Variants in PHF21B observed in about 807,000 individuals in gnomAD.
PHF21B encodes PHD finger protein 21B, also known as PHD finger protein 4.
Under a neutral mutation model 62.2 loss-of-function variants are expected in PHF21B, and 22 were observed. That is an observed-to-expected ratio of 0.35 (90% confidence interval 0.25 to 0.51). The LOEUF is 0.51. PHF21B is among the 20% of genes least tolerant of loss of function. The pLI is 0.97. For missense variants in PHF21B, 701 were observed against 707.9 expected, an observed-to-expected ratio of 0.99 and a Z score of 0.11; for synonymous variants, 341 against 314.7, an observed-to-expected ratio of 1.08 and a Z score of -0.88.
At chr22:44,902,053 G>C in intron 5 of PHF21B, 1 of 234,042 alleles carries the variant, frequency 4.3e-6, no homozygotes, top group South Asian at 7.8e-5. Flanking sequence ...ACAGAGGCAA[G>C]AGGGCGGTTC....
rs145001551 is a variant in PHF21B, at chr22:44,911,031, G to A, written c.831+2791C>T. 7.8e-3 allele frequency among the ~76,000 whole-genome samples: 1,185 copies of A among 152,342 alleles called. 18 individuals are homozygous for A. Among genetic ancestry groups the A allele is most frequent in the African/African-American group, 0.027 (1,132 of 41,578 alleles). On this transcript the variant is annotated intron_variant, in intron 5 of 12. Transcript: ENST00000313237. ...ACTTGTTGGGAACTGGAGCAAAGGT[G>A]ACTCTTGTTATGTTTTAGCAAAGAG...
At position 45,009,268 on chromosome 22, in the gene PHF21B, C is replaced by G; in HGVS notation, c.54+228G>C. On this transcript the variant is annotated intron_variant, in intron 1 of 12. Coordinates refer to ENST00000313237, the MANE Select transcript of PHF21B (RefSeq NM_138415.5). This position sits in a 1 kb window ranked among gnomAD's most constrained non-coding sequence, Gnocchi z 5.9. Reference sequence around the variant, plus strand: ...TTAAGAGAAGACTCCAGGCTCGGGTCCCACGCGTCCTCGATCCCGCAAACT... The same window carrying G: ...TTAAGAGAAGACTCCAGGCTCGGGTGCCACGCGTCCTCGATCCCGCAAACT... 1.8e-6 allele frequency: 1 copy of G among 552,258 alleles called. No homozygotes were observed. The highest frequency in any genetic ancestry group is 3.1e-6 in the Non-Finnish European group (1 of 324,564). 34.2% of individuals were successfully genotyped at this position (552,258 alleles called of 1,614,324 possible). A position where few individuals can be genotyped will look rare whatever the true frequency, so the allele number is the denominator to read the frequency against.
At position 44,904,640 on chromosome 22, in the gene PHF21B, A is replaced by G. The variant is rs2071217922; in HGVS notation, c.832-8557T>C. 1.5e-5 allele frequency among the ~76,000 whole-genome samples: 2 copies of G among 134,020 alleles called. 1 individual carries two copies. The highest frequency in any genetic ancestry group is 1.5e-4 in the Admixed American group (2 of 12,988). The allele number at this position is 134,020 out of a possible 152,430, so 87.9% of individuals were successfully genotyped here. A position where few individuals can be genotyped will look rare whatever the true frequency, so the allele number is the denominator to read the frequency against. The stretch of plus-strand genomic sequence containing the variant: ...GCAGAGCATCGGCAGACTGGGCAAG[A>G]AGTGTTAGTGTCGTCAGAGGCAGCA... On this transcript the variant is annotated intron_variant, in intron 5 of 12. Transcript: ENST00000313237.
At chr22:44,932,218 G>T (rs929879298) in intron 2 of PHF21B, among the ~76,000 whole-genome samples, 21 of 152,226 alleles carry the variant, frequency 1.4e-4, no homozygotes, top group African/African-American at 5.1e-4. Flanking sequence ...CTTGCTGTAA[G>T]GGCTGCCAGG....
At chr22:45,007,105 G>A (rs529435899) in intron 2 of PHF21B, among the ~76,000 whole-genome samples, 3 of 148,268 alleles carry the variant, frequency 2.0e-5, no homozygotes, top group Non-Finnish European at 4.5e-5. Flanking sequence ...GCCGGGGGCG[G>A]GGGGGCCGCG....
At chr22:44,929,070 G>A (rs962883020) in intron 2 of PHF21B, among the ~76,000 whole-genome samples, 13 of 152,206 alleles carry the variant, frequency 8.5e-5, no homozygotes, top group African/African-American at 2.7e-4. Context: ...CACAGAGCAC[G>A]GCAATTTAAT....
intron 2 of PHF21B, chr22:44,933,346 G>C (rs2071779605): frequency 1.8e-6 from 1 of 554,956 alleles, no homozygotes; most frequent in Admixed American, 6.4e-5. Flanking sequence ...CCCGCCATCA[G>C]GGGATCCGTC....
chr22:44,922,179 G>C (rs982211754), intron 2 of PHF21B, among the ~76,000 whole-genome samples: 1 of 152,224 alleles, frequency 6.6e-6, no homozygotes, highest in African/African-American at 2.4e-5. Flanking sequence ...GTTTATCCCA[G>C]GACTGCAGGG....
intron 2 of PHF21B, among the ~76,000 whole-genome samples, chr22:44,993,492 T>C (rs1258089025): frequency 4.6e-5 from 7 of 152,212 alleles, no homozygotes; most frequent in Non-Finnish European, 1.0e-4. Flanking sequence ...AGACCCCAGC[T>C]TCCCGGTCAA....
chr22:44,923,940 G>A (rs2071583227), intron 2 of PHF21B, among the ~76,000 whole-genome samples: 1 of 151,812 alleles, frequency 6.6e-6, no homozygotes, highest in Non-Finnish European at 1.5e-5. Flanking sequence ...TAGGCCAGGA[G>A]GTTGAGGCTG....
intron 2 of PHF21B, among the ~76,000 whole-genome samples, chr22:44,964,507 T>A (rs1184297391): frequency 6.6e-6 from 1 of 152,368 alleles, no homozygotes; most frequent in Middle Eastern, 3.4e-3. Flanking sequence ...CAACAGCCCC[T>A]GACTCGGCAG....
At chr22:44,929,544 C>A (rs952015860) in intron 2 of PHF21B, among the ~76,000 whole-genome samples, 3 of 152,204 alleles carry the variant, frequency 2.0e-5, no homozygotes, top group Non-Finnish European at 4.4e-5. Context: ...CAAAGACCAC[C>A]ATGGGGAGGC....
intron 2 of PHF21B, among the ~76,000 whole-genome samples, chr22:44,992,868 G>C (rs1359061784): frequency 6.6e-6 from 1 of 152,148 alleles, no homozygotes; most frequent in African/African-American, 2.4e-5. Flanking sequence ...AGCTCTCCCT[G>C]GTTTTCTTCA....
chr22:44,979,974 C>T lies in PHF21B; in HGVS notation c.120+28571G>A, dbSNP rs1207033317. Among the ~76,000 whole-genome samples, 3 of 138,672 alleles carry T rather than the reference C, an allele frequency of 2.2e-5. No individual in the cohort carries two copies. The East Asian group carries it at 6.5e-4, about 30-fold the overall frequency. 91.0% of individuals were successfully genotyped at this position (138,672 alleles called of 152,430 possible). On this transcript the variant is annotated intron_variant, in intron 2 of 12. Coordinates refer to ENST00000313237, the MANE Select transcript of PHF21B (RefSeq NM_138415.5). ...GTCCCAGCTACTCGGGAGGCTGAGG[C>T]AGGAGAATCGCTTGAACCCGGGAGA... is the stretch of plus-strand genomic sequence containing the variant.
intron 2 of PHF21B, among the ~76,000 whole-genome samples, chr22:44,985,800 A>G (rs2072934575): frequency 6.6e-6 from 1 of 152,128 alleles, no homozygotes; most frequent in African/African-American, 2.4e-5. Context: ...CACCGTAGCT[A>G]TCAACACCAT....
chr22:44,999,608 T>C (rs1326513759), intron 2 of PHF21B, among the ~76,000 whole-genome samples: 1 of 152,156 alleles, frequency 6.6e-6, no homozygotes, highest in African/African-American at 2.4e-5. Context: ...ACTCCACTCA[T>C]TTTTATCTGA....
At chr22:44,914,686 T>C (rs1035431659) in intron 4 of PHF21B, among the ~76,000 whole-genome samples, 5 of 152,292 alleles carry the variant, frequency 3.3e-5, no homozygotes, top group Admixed American at 3.3e-4. Context: ...TTCACTGCCA[T>C]GAGGCCCCTC....
chr22:45,004,965 G>C (rs1199901877), intron 2 of PHF21B, among the ~76,000 whole-genome samples: 2 of 152,236 alleles, frequency 1.3e-5, no homozygotes, highest in African/African-American at 4.8e-5. Flanking sequence ...GGTTCAAACA[G>C]AAGGCTCTTC....
Position 44,885,522 on chromosome 22 carries a change from T to C in PHF21B, c.1281A>G (p.Glu427=), listed in dbSNP as rs760520466. 6.3e-7 allele frequency: 1 copy of C among 1,593,040 alleles called. No individual in the cohort carries two copies. Among genetic ancestry groups the C allele is most frequent in the Admixed American group, 1.8e-5 (1 of 56,732 alleles). The change falls in exon 12 of 13, where the codon GAA becomes GAG. Residue 427 remains glutamate (E), a synonymous_variant. Transcript: ENST00000313237. ...HSYVTHKTVK[E]EEKQKLLQRG... ...GTTGCAGCAGCTTCTGCTTCTCCTCTTCTTTGACTAGAAAAGAGAAGGCCA... is the reference window on the plus strand; with the variant it reads ...GTTGCAGCAGCTTCTGCTTCTCCTCCTCTTTGACTAGAAAAGAGAAGGCCA...
Sources: allele counts gnomAD v4.1 joint callset (sites outside exome capture counted in the v4.1 genomes callset), GRCh38; gene constraint gnomAD v4.1.1; non-coding constraint Gnocchi (gnomAD v3.1); transcripts MANE v1.5; gene names NCBI Gene and HGNC (gene_info 2026-07-23, HGNC 2026-07-21).